Variants in TENM1 observed in about 807,000 individuals in gnomAD.
The protein encoded by TENM1 is teneurin transmembrane protein 1.
TENM1 carries 35 observed loss-of-function variants against 174.8 expected under a neutral mutation model. The observed-to-expected ratio is 0.20, with a 90% CI of 0.15 to 0.27. TENM1 has a LOEUF of 0.27. Ranked by LOEUF, TENM1 falls within the 10% of genes least tolerant of loss-of-function variation. The pLI, the probability that TENM1 is intolerant of heterozygous loss-of-function variation, is 1.00. For synonymous variants in TENM1, 781 were observed against 798.7 expected (o/e 0.98, Z 0.37); for missense variants, 1,633 against 2,130.1 (o/e 0.77, Z 4.59).
intron 1 of TENM1, among the ~76,000 whole-genome samples, chrX:124,926,961 A>T (rs146740351): frequency 0.013 from 1,474 of 112,277 alleles, 20 homozygotes; most frequent in African/African-American, 0.045. Flanking sequence ...AGGCACTTGC[A>T]GTGCTCTGTG....
intron 5 of TENM1, among the ~76,000 whole-genome samples, chrX:124,674,237 G>A (rs1360512765): frequency 2.0e-5 from 2 of 98,007 alleles, no homozygotes; most frequent in African/African-American, 7.7e-5. Context: ...AGGGCAAAAA[G>A]CTGGAGAAAC....
the TENM1 span, among the ~76,000 whole-genome samples, chrX:125,166,356 T>C: frequency 9.0e-6 from 1 of 111,395 alleles, no homozygotes; most frequent in Non-Finnish European, 1.9e-5. Context: ...ACTATCTTGA[T>C]TTTTTCACAA....
chrX:124,888,475 T>G (rs184463088), intron 3 of TENM1, among the ~76,000 whole-genome samples: 95 of 112,023 alleles, frequency 8.5e-4, no homozygotes, highest in Admixed American at 2.7e-3. Context: ...CTCAGGGAAC[T>G]TCCTCTCACA....
chrX:124,435,981 C>A (rs2060832108), intron 23 of TENM1, among the ~76,000 whole-genome samples: 1 of 111,756 alleles, frequency 8.9e-6, no homozygotes, highest in African/African-American at 3.3e-5. Flanking sequence ...ATCACCCTCA[C>A]GAATAGCAAA....
chrX:124,948,716 C>A (rs2058438353), intron 1 of TENM1, among the ~76,000 whole-genome samples: 1 of 111,891 alleles, frequency 8.9e-6, no homozygotes, highest in African/African-American at 3.2e-5. Flanking sequence ...CCATGCCCAG[C>A]TAATTTTTTG....
intron 5 of TENM1, among the ~76,000 whole-genome samples, chrX:124,699,222 A>G (rs781191269): frequency 6.8e-4 from 76 of 111,124 alleles, no homozygotes; most frequent in African/African-American, 2.4e-3. Flanking sequence ...AGATTTCTTG[A>G]GAGATTTTTT....
chrX:124,667,902 C>T (rs1476942804), intron 6 of TENM1, among the ~76,000 whole-genome samples: 1 of 110,683 alleles, frequency 9.0e-6, no homozygotes, highest in East Asian at 2.8e-4. Flanking sequence ...AATGGGAAAC[C>T]AATTCCAGTA....
At chrX:124,416,029 TCC>T (rs1244836743) in intron 25 of TENM1, among the ~76,000 whole-genome samples, 1 of 111,708 alleles carries the variant, frequency 9.0e-6, no homozygotes, top group Non-Finnish European at 1.9e-5. Context: ...ACAGCAAAAC[TCC>T]TCAAAAGAGT....
the TENM1 span, among the ~76,000 whole-genome samples, chrX:125,163,687 T>TA: frequency 8.9e-6 from 1 of 111,735 alleles, no homozygotes; most frequent in Admixed American, 9.5e-5. Context: ...AAATGACATA[T>TA]AAAAAGTGTT....
chrX:125,087,530 T>TA, the TENM1 span, among the ~76,000 whole-genome samples: 1 of 111,361 alleles, frequency 9.0e-6, no homozygotes, highest in Non-Finnish European at 1.9e-5. Context: ...GACTCATTAA[T>TA]AAGCTTTGTC....
At chrX:124,929,417 A>G (rs2058137023) in intron 1 of TENM1, among the ~76,000 whole-genome samples, 2 of 112,259 alleles carry the variant, frequency 1.8e-5, no homozygotes, top group Non-Finnish European at 3.8e-5. Flanking sequence ...CTGACTGCTA[A>G]CTGATGCTGG....
At chrX:124,650,459 G>A in intron 8 of TENM1, among the ~76,000 whole-genome samples, 1 of 111,072 alleles carries the variant, frequency 9.0e-6, no homozygotes, top group Non-Finnish European at 1.9e-5. Context: ...TCAAAGTTTA[G>A]GTTCTTTGGG....
At chrX:125,131,530 G>A in the TENM1 span, among the ~76,000 whole-genome samples, 9 of 112,020 alleles carry the variant, frequency 8.0e-5, no homozygotes, top group South Asian at 3.3e-3. Context: ...ACTTATGAAG[G>A]TGACTTAAGC....
chrX:124,549,843 A>G (rs1311156801), intron 14 of TENM1, among the ~76,000 whole-genome samples: 2 of 111,092 alleles, frequency 1.8e-5, no homozygotes, highest in Non-Finnish European at 3.8e-5. Flanking sequence ...GTACGTCTAG[A>G]CTGTTGCAAA....
chrX:124,963,566 T>C, exon 1 of TENM1: 1 of 1,211,232 alleles, frequency 8.3e-7, no homozygotes, highest in Non-Finnish European at 1.1e-6. Context: ...TTCTTTCCTC[T>C]TTCTACTCTG....
intron 4 of TENM1, among the ~76,000 whole-genome samples, chrX:124,706,468 A>G (rs995690994): frequency 1.4e-4 from 16 of 111,569 alleles, no homozygotes; most frequent in Non-Finnish European, 3.8e-5. Context: ...GTAAATCCCT[A>G]TTTCTATTCC....
At chrX:125,130,615 T>C in the TENM1 span, among the ~76,000 whole-genome samples, 1 of 108,843 alleles carries the variant, frequency 9.2e-6, no homozygotes, top group African/African-American at 3.3e-5. Context: ...ATTGAAATTA[T>C]TTTTAAAAGA....
At chrX:125,151,722 T>C in the TENM1 span, among the ~76,000 whole-genome samples, 7 of 111,320 alleles carry the variant, frequency 6.3e-5, no homozygotes, top group African/African-American at 2.3e-4. Flanking sequence ...AACCCCAACT[T>C]TGGGGACATC....
chrX:124,719,573 G>C (rs1334698132), intron 4 of TENM1, among the ~76,000 whole-genome samples: 1 of 111,197 alleles, frequency 9.0e-6, no homozygotes, highest in Non-Finnish European at 1.9e-5. Flanking sequence ...AATTCCACTT[G>C]AGCACAGGAG....
Sources: allele counts gnomAD v4.1 joint callset (sites outside exome capture counted in the v4.1 genomes callset), GRCh38; gene constraint gnomAD v4.1.1; transcripts MANE v1.5; gene names NCBI Gene and HGNC (gene_info 2026-07-23, HGNC 2026-07-21).